Variants in MARS1 observed in about 807,000 individuals in gnomAD.
MARS1 encodes methionine--tRNA ligase, cytoplasmic.
In MARS1, 80 loss-of-function variants were observed where a neutral mutation model predicts 119.5. The observed-to-expected ratio is 0.67, with a 90% CI of 0.56 to 0.81. The LOEUF (loss-of-function observed/expected upper bound fraction) is 0.81, where lower values mean the gene tolerates loss of function less well. MARS1 is among the 30% of genes least tolerant of loss of function. The probability of loss-of-function intolerance (pLI) is 0.00; values close to 1 mark genes in which losing one functional copy is unlikely to be tolerated. For synonymous variants in MARS1, 418 were observed against 433.4 expected (o/e 0.96, Z 0.44); for missense variants, 945 against 1,116.5 (o/e 0.85, Z 2.19).
chr12:57,508,722 G>GTAGAGGGTAGAGGA (rs1263465041), intron 11 of MARS1, among the ~76,000 whole-genome samples: 180 of 148,238 alleles, frequency 1.2e-3, no homozygotes, highest in Admixed American at 2.5e-3. Flanking sequence ...AGGGTAGAGG[G>GTAGAGGGTAGAGGA]AGAGCATTTT....
rs1437258145 is a variant in MARS1 at position 57,514,191 on chromosome 12, CTT to C, written c.1968-528_1968-527del. ...TTTTTTTTTGAGATGGAGTTTCTCT[CTT>C]GTTGCCCAGGCTGGAGTGCAGTGGC... On this transcript the variant is annotated intron_variant, in intron 15 of 20. Coordinates refer to ENST00000262027, the MANE Select transcript of MARS1 (RefSeq NM_004990.4). Among the ~76,000 whole-genome samples, 10 of 127,698 alleles carry C rather than the reference CTT, an allele frequency of 7.8e-5. No homozygotes were observed. In the East Asian group the frequency reaches 1.2e-3, roughly 16 times the overall value. The allele number at this position is 127,698 out of a possible 152,430, so 83.8% of individuals were successfully genotyped here. A position where few individuals can be genotyped will look rare whatever the true frequency, so the allele number is the denominator to read the frequency against.
At chr12:57,514,085 A>C (rs929483485) in intron 15 of MARS1, among the ~76,000 whole-genome samples, 2 of 151,514 alleles carry the variant, frequency 1.3e-5, no homozygotes, top group African/African-American at 4.8e-5. Context: ...TAAAAAAAAA[A>C]AAAAGTACTT....
intron 9 of MARS1, 48 bp from the exon 10 acceptor site, chr12:57,500,273 A>G (rs753030274): frequency 1.3e-6 from 2 of 1,533,658 alleles, no homozygotes; most frequent in Non-Finnish European, 1.8e-6. Flanking sequence ...GAAGGGGTCC[A>G]CCACGTCTTC....
At chr12:57,514,045 AGAGT>A (rs1201266902) in intron 15 of MARS1, among the ~76,000 whole-genome samples, 1 of 147,884 alleles carries the variant, frequency 6.8e-6, no homozygotes, top group Non-Finnish European at 1.5e-5. Context: ...CCTGGGCAAC[AGAGT>A]GAGAATCCTC....
intron 7 of MARS1, among the ~76,000 whole-genome samples, chr12:57,495,184 C>T (rs1211119532): frequency 6.7e-6 from 1 of 149,950 alleles, no homozygotes; most frequent in African/African-American, 2.5e-5. Flanking sequence ...CTGCCCCCCA[C>T]CTCCCGGATG....
chr12:57,516,230 TTTG>T lies in MARS1; in HGVS notation c.2464-9_2464-7del, dbSNP rs757191684. ...GATATTTATGGTTGCTGGTGATAACTTTGTTGTTCTCCAGGCAAAAACGTCCCC... is the reference window on the plus strand; with the variant it reads ...GATATTTATGGTTGCTGGTGATAACTTTGTTCTCCAGGCAAAAACGTCCCC... On this transcript the variant is annotated splice_polypyrimidine_tract_variant and intron_variant, in intron 19 of 20. Transcript: ENST00000262027. The T allele has an allele frequency of 5.6e-6, 9 of 1,612,182 alleles. No homozygotes were observed. Among genetic ancestry groups the T allele is most frequent in the Middle Eastern group, 1.6e-4 (1 of 6,084 alleles).
At chr12:57,489,873 T>C in intron 4 of MARS1, 23 bp from the exon 5 acceptor site, 1 of 1,604,552 alleles carries the variant, frequency 6.2e-7, no homozygotes, top group Non-Finnish European at 8.5e-7. Context: ...TGTGTACATT[T>C]TCCTTTTCTA....
At chr12:57,511,604 C>A in intron 11 of MARS1, 94 bp from the exon 12 acceptor site, 1 of 1,396,756 alleles carries the variant, frequency 7.2e-7, no homozygotes, top group African/African-American at 1.4e-5. Context: ...TTATATATTG[C>A]CAAATTGTGC....
chr12:57,501,657 T>TA lies in MARS1; in HGVS notation c.1293+1142dup, dbSNP rs1041412640. Among the ~76,000 whole-genome samples, 3 of 151,962 alleles carry TA rather than the reference T, an allele frequency of 2.0e-5. No homozygotes were observed. In the East Asian group the frequency reaches 5.8e-4, roughly 29 times the overall value. ...CAACATGGTGAAACCCTGTCTCTAC[T>TA]AAAAAAATACAAAAATTAGCTGGGT... On this transcript the variant is annotated intron_variant, in intron 10 of 20. Coordinates refer to ENST00000262027, the MANE Select transcript of MARS1 (RefSeq NM_004990.4).
In MARS1 at chr12:57,488,169, G is replaced by A. The variant is rs1565635709; in HGVS notation, c.79G>A (p.Glu27Lys). 11 of 1,614,178 alleles carry A rather than the reference G, an allele frequency of 6.8e-6. No homozygotes were observed. The highest frequency in any genetic ancestry group is 7.6e-6 in the Non-Finnish European group (9 of 1,180,020). ...CGCCGGGAGAGCCCGGGGCAGAGCAGAGGTGCTCATCAGCACTGTAGGCCC... is the reference window on the plus strand; with the variant it reads ...CGCCGGGAGAGCCCGGGGCAGAGCAAAGGTGCTCATCAGCACTGTAGGCCC... ...AAAGRARGRA[E>K]VLISTVGPED... Residue 27 changes from glutamate (E) to lysine (K), a missense_variant, in exon 1 of 21, where the codon GAG (glutamate) becomes AAG (lysine). Glu to Lys is a moderately conservative substitution (Grantham distance 56). Transcript: ENST00000262027.
rs144799220 is a variant in MARS1, at chr12:57,494,325, T to C, written c.770+3681T>C. ...TACTAAGCACTTACTTCTTCTTTTTTTTCTTTTTTTTTTTTTTTTTGAGAT... is the reference window on the plus strand; with the variant it reads ...TACTAAGCACTTACTTCTTCTTTTTCTTCTTTTTTTTTTTTTTTTTGAGAT... On this transcript the variant is annotated intron_variant, in intron 7 of 20. Coordinates refer to ENST00000262027, the MANE Select transcript of MARS1 (RefSeq NM_004990.4). Among the ~76,000 whole-genome samples, 1,006 of 145,460 alleles carry C rather than the reference T, an allele frequency of 6.9e-3. 17 individuals are homozygous for C. Among genetic ancestry groups the C allele is most frequent in the African/African-American group, 0.025 (964 of 38,744 alleles).
intron 11 of MARS1, among the ~76,000 whole-genome samples, chr12:57,505,556 A>G (rs1371271016): frequency 6.6e-6 from 1 of 152,174 alleles, no homozygotes; most frequent in Non-Finnish European, 1.5e-5. Flanking sequence ...CATGCCTGTA[A>G]TCCTAGCACT....
intron 11 of MARS1, among the ~76,000 whole-genome samples, chr12:57,508,425 G>A (rs1042763781): frequency 2.6e-5 from 4 of 152,176 alleles, no homozygotes; most frequent in South Asian, 2.1e-4. Context: ...TCGGGAGGCC[G>A]AGGCTGGCGG....
In MARS1 at chr12:57,490,658, G is replaced by A; in HGVS notation, c.770+14G>A. 6.2e-7 allele frequency: 1 copy of A among 1,609,936 alleles called. No individual in the cohort carries two copies. Among genetic ancestry groups the A allele is most frequent in the Non-Finnish European group, 8.5e-7 (1 of 1,176,324 alleles). ...GCAGAATCCAGTGTGAGTAGACATGGCACATGTGAGTGGGGCTTGATTTTG... is the reference window on the plus strand; with the variant it reads ...GCAGAATCCAGTGTGAGTAGACATGACACATGTGAGTGGGGCTTGATTTTG... On this transcript the variant is annotated intron_variant, in intron 7 of 20. Coordinates refer to ENST00000262027, the MANE Select transcript of MARS1 (RefSeq NM_004990.4).
intron 15 of MARS1, 71 bp downstream of exon 15, chr12:57,513,035 A>G: frequency 7.7e-7 from 1 of 1,292,700 alleles, no homozygotes; most frequent in Non-Finnish European, 1.1e-6. Flanking sequence ...GGAGATGGGA[A>G]TGTGGAGAGA....
intron 7 of MARS1, among the ~76,000 whole-genome samples, chr12:57,496,288 C>T (rs370375343): frequency 9.9e-5 from 15 of 151,482 alleles, no homozygotes; most frequent in Middle Eastern, 6.8e-3. Context: ...CTCAGCCCCC[C>T]GAGTAGCTGG....
chr12:57,500,341 A>T lies in MARS1; in HGVS notation c.1112A>T (p.Gln371Leu). The T allele has an allele frequency of 6.2e-7, 1 of 1,614,170 alleles. No individual in the cohort carries two copies. The highest frequency in any genetic ancestry group is 8.5e-7 in the Non-Finnish European group (1 of 1,180,000). The change falls in exon 10 of 21, where the codon CAG becomes CTG. Residue 371 changes from glutamine (Q) to leucine (L), a missense_variant. Physicochemically the swap from Gln to Leu is moderately radical, Grantham distance 113 (BLOSUM62 -2). Transcript: ENST00000262027. ...ACCAGAATCACCCAGGACATTTTCCAGCAGTTGCTGAAACGAGGTTTTGTG... is the reference window on the plus strand; with the variant it reads ...ACCAGAATCACCCAGGACATTTTCCTGCAGTTGCTGAAACGAGGTTTTGTG... The part of the protein sequence containing the change: ...QQTKITQDIF[Q>L]QLLKRGFVLQ...
intron 18 of MARS1, 85 bp downstream of exon 18, chr12:57,515,421 C>T (rs1479097159): frequency 7.4e-7 from 1 of 1,354,644 alleles, no homozygotes; most frequent in Non-Finnish European, 1.0e-6. Flanking sequence ...TAACATCTCT[C>T]CAGTGTTACT....
intron 1 of MARS1, 160 bp downstream of exon 1, chr12:57,488,359 G>A: frequency 1.3e-6 from 1 of 742,796 alleles, no homozygotes; most frequent in Non-Finnish European, 2.2e-6. Context: ...TTCCCTCCCA[G>A]TCACATCTTT....
Sources: allele counts gnomAD v4.1 joint callset (sites outside exome capture counted in the v4.1 genomes callset), GRCh38; gene constraint gnomAD v4.1.1; transcripts MANE v1.5; gene names NCBI Gene and HGNC (gene_info 2026-07-23, HGNC 2026-07-21).